Variants in SMYD4 observed in about 807,000 individuals in gnomAD.
SMYD4 encodes the protein SET and MYND domain containing 4.
Under a neutral mutation model 72.8 loss-of-function variants are expected in SMYD4, and 68 were observed. The observed-to-expected ratio is 0.93, with a 90% CI of 0.77 to 1.14. The LOEUF is 1.14. Ranked by LOEUF, SMYD4 falls within the 50% of genes most tolerant of loss-of-function variation. SMYD4 has a pLI of 0.00. For synonymous variants in SMYD4, 407 were observed against 388.6 expected (o/e 1.05, Z -0.56); for missense variants, 984 against 1,003.7 (o/e 0.98, Z 0.27).
At chr17:1,811,333 A>G (rs1256415999) in intron 3 of SMYD4, among the ~76,000 whole-genome samples, 1 of 152,116 alleles carries the variant, frequency 6.6e-6, no homozygotes, top group Non-Finnish European at 1.5e-5. Context: ...TGCCACCACT[A>G]GTCAGGCTAA....
In SMYD4 at chr17:1,804,534, T is replaced by C. The variant is rs867389716; in HGVS notation, c.369+92A>G. 5.5e-6 allele frequency: 6 copies of C among 1,089,052 alleles called. No individual in the cohort carries two copies. In the Admixed American group the frequency reaches 9.2e-5, roughly 17 times the overall value. 67.5% of individuals were successfully genotyped at this position (1,089,052 alleles called of 1,614,324 possible). On this transcript the variant is annotated intron_variant, in intron 4 of 10. Transcript: ENST00000305513. Reference sequence around the variant, plus strand: ...CAATAGCAGCATGACATGATTTTAGTGTTCTATGGAAGAAGCAGAGATGAA... The same window carrying C: ...CAATAGCAGCATGACATGATTTTAGCGTTCTATGGAAGAAGCAGAGATGAA...
intron 7 of SMYD4, among the ~76,000 whole-genome samples, chr17:1,785,080 C>A (rs1318168671): frequency 2.0e-5 from 3 of 148,694 alleles, no homozygotes; most frequent in Non-Finnish European, 4.5e-5. Context: ...AGCCACCGTG[C>A]CCGGCCTTGA....
intron 1 of SMYD4, among the ~76,000 whole-genome samples, chr17:1,828,638 C>G (rs1397308841): frequency 6.7e-6 from 1 of 148,990 alleles, no homozygotes; most frequent in Non-Finnish European, 1.5e-5. Context: ...TGCTCTGTCA[C>G]CCAGGCTGGA....
chr17:1,826,727 T>C (rs993771980), intron 2 of SMYD4, among the ~76,000 whole-genome samples: 1 of 152,184 alleles, frequency 6.6e-6, no homozygotes, highest in Non-Finnish European at 1.5e-5. Flanking sequence ...AAGGTTCTGC[T>C]TTATACGTCA....
chr17:1,816,084 GT>G (rs1413066903), intron 2 of SMYD4, among the ~76,000 whole-genome samples: 2 of 150,708 alleles, frequency 1.3e-5, no homozygotes, highest in East Asian at 3.9e-4. Flanking sequence ...CATTTCCAAA[GT>G]TTTTTCATCA....
rs368240712 is a variant in SMYD4, at chr17:1,817,979, G to A, written c.135-5864C>T. Among the ~76,000 whole-genome samples, 9 of 148,998 alleles carry A rather than the reference G, an allele frequency of 6.0e-5. No homozygotes were observed. The South Asian group carries it at 1.5e-3, about 25-fold the overall frequency. ...GGAGAATGGCGTGAACCCGGGAGGC[G>A]GAGCTTGCAGTGAGCCGAGATCGTG... On this transcript the variant is annotated intron_variant, in intron 2 of 10. Coordinates refer to ENST00000305513, the MANE Select transcript of SMYD4 (RefSeq NM_052928.3).
chr17:1,790,803 T>C (rs554091134), intron 5 of SMYD4, among the ~76,000 whole-genome samples: 1 of 151,406 alleles, frequency 6.6e-6, no homozygotes, highest in South Asian at 2.1e-4. Flanking sequence ...TGCCCATCCC[T>C]GGTGCATTTA....
At chr17:1,795,809 T>C (rs1439389010) in intron 5 of SMYD4, among the ~76,000 whole-genome samples, 1 of 149,654 alleles carries the variant, frequency 6.7e-6, no homozygotes, top group Non-Finnish European at 1.5e-5. Context: ...ACAATCATTT[T>C]AAAATTTAAT....
At chr17:1,821,218 G>A (rs896607092) in intron 2 of SMYD4, among the ~76,000 whole-genome samples, 4 of 151,628 alleles carry the variant, frequency 2.6e-5, no homozygotes, top group Non-Finnish European at 5.9e-5. Context: ...GGGAATGAGG[G>A]AAAAACAAAG....
At chr17:1,786,695 A>G (rs747799255) in intron 7 of SMYD4, 115 bp downstream of exon 7, 2 of 1,246,754 alleles carry the variant, frequency 1.6e-6, no homozygotes, top group Non-Finnish European at 2.3e-6. Context: ...AATGGAGGTG[A>G]TATTACTGGT....
At chr17:1,791,878 C>A (rs896284777) in intron 5 of SMYD4, among the ~76,000 whole-genome samples, 1 of 151,902 alleles carries the variant, frequency 6.6e-6, no homozygotes, top group Non-Finnish European at 1.5e-5. Context: ...CAGAGTGAGA[C>A]CCTGTCTCAA....
Position 1,784,331 on chromosome 17 carries a change from T to G in SMYD4, c.2015A>C (p.Glu672Ala). 1 of 1,614,212 alleles carries G rather than the reference T, an allele frequency of 6.2e-7. No homozygotes were observed. Among genetic ancestry groups the G allele is most frequent in the African/African-American group, 1.3e-5 (1 of 75,056 alleles). ...RVAQKLLRDG[E>A]LERAVQRLSG... ...AAGCAGGGAGCCAGTCTCACCTAGTTCACCATCTCTGAGAAGCTTCTGGGC... is the reference window on the plus strand; with the variant it reads ...AAGCAGGGAGCCAGTCTCACCTAGTGCACCATCTCTGAGAAGCTTCTGGGC... The change falls in exon 8 of 11, where the codon GAA becomes GCA. Residue 672 changes from glutamate (E) to alanine (A), a missense_variant. Transcript: ENST00000305513.
intron 5 of SMYD4, among the ~76,000 whole-genome samples, chr17:1,788,259 G>A (rs1013995989): frequency 2.0e-5 from 3 of 152,088 alleles, no homozygotes; most frequent in Non-Finnish European, 2.9e-5. Context: ...GGCTGAGGTG[G>A]GAGGATCAGT....
chr17:1,788,660 G>A (rs925840586), intron 5 of SMYD4, among the ~76,000 whole-genome samples: 2 of 151,830 alleles, frequency 1.3e-5, no homozygotes, highest in African/African-American at 2.4e-5. Flanking sequence ...CAGGAGAATC[G>A]CTTGAACCCC....
chr17:1,781,102 G>A lies in SMYD4; in HGVS notation c.*184C>T, dbSNP rs1037421306. ...GCCTGGCTAGTTTTTTGTATTTTTA[G>A]TAAAGATGGGGTTTCACCATGTTGG... On this transcript the variant is annotated 3_prime_UTR_variant, in exon 11 of 11. Coordinates refer to ENST00000305513, the MANE Select transcript of SMYD4 (RefSeq NM_052928.3). The A allele has an allele frequency of 4.8e-6, 3 of 623,252 alleles. No individual in the cohort carries two copies. Among genetic ancestry groups the A allele is most frequent in the African/African-American group, 3.9e-5 (2 of 51,602 alleles). The allele number at this position is 623,252 out of a possible 1,614,324, so 38.6% of individuals were successfully genotyped here.
intron 5 of SMYD4, among the ~76,000 whole-genome samples, chr17:1,799,355 G>T (rs1909581264): frequency 6.6e-6 from 1 of 151,908 alleles, no homozygotes; most frequent in African/African-American, 2.4e-5. Flanking sequence ...AGAAACTGAG[G>T]CAGAACGGAA....
intron 5 of SMYD4, among the ~76,000 whole-genome samples, chr17:1,788,796 C>T (rs1908845602): frequency 6.6e-6 from 1 of 152,028 alleles, no homozygotes; most frequent in Non-Finnish European, 1.5e-5. Flanking sequence ...GGATAATTAG[C>T]ACTTTAAAAG....
At chr17:1,809,970 G>A (rs1449266885) in intron 3 of SMYD4, among the ~76,000 whole-genome samples, 1 of 151,934 alleles carries the variant, frequency 6.6e-6, no homozygotes, top group Non-Finnish European at 1.5e-5. Context: ...CCATTTATAC[G>A]TTATTTTACA....
intron 5 of SMYD4, among the ~76,000 whole-genome samples, chr17:1,797,714 A>G (rs984680316): frequency 3.3e-5 from 5 of 152,242 alleles, no homozygotes; most frequent in African/African-American, 7.2e-5. Context: ...TAAGGGTCTG[A>G]TATCTGGCCG....
Sources: allele counts gnomAD v4.1 joint callset (sites outside exome capture counted in the v4.1 genomes callset), GRCh38; gene constraint gnomAD v4.1.1; transcripts MANE v1.5; gene names NCBI Gene and HGNC (gene_info 2026-07-23, HGNC 2026-07-21).